Variants in C16orf89 observed in about 807,000 individuals in gnomAD.
C16orf89 encodes the protein chromosome 16 open reading frame 89.
In C16orf89, 57 loss-of-function variants were observed where a neutral mutation model predicts 41.5. The ratio of observed to expected loss-of-function variants is 1.38; its 90% CI spans 1.11 to 1.71. The LOEUF (loss-of-function observed/expected upper bound fraction) is 1.71, where lower values mean the gene tolerates loss of function less well. Among genes scored for constraint, C16orf89 ranks in the 40% most tolerant of loss-of-function variants. The pLI, the probability that C16orf89 is intolerant of heterozygous loss-of-function variation, is 0.00. For synonymous variants in C16orf89, 223 were observed against 190.6 expected (o/e 1.17, Z -1.40); for missense variants, 575 against 445.9 (o/e 1.29, Z -2.61).
At chr16:5,045,305 C>G (rs921175602) in intron 7 of C16orf89, among the ~76,000 whole-genome samples, 1 of 152,256 alleles carries the variant, frequency 6.6e-6, no homozygotes, top group Non-Finnish European at 1.5e-5. Flanking sequence ...ACCCCAGTGG[C>G]CTTCCTCTTA....
At chr16:5,046,335 A>T (rs1418174382) in intron 7 of C16orf89, among the ~76,000 whole-genome samples, 1 of 150,962 alleles carries the variant, frequency 6.6e-6, no homozygotes, top group Non-Finnish European at 1.5e-5. Flanking sequence ...TTTATTTTTT[A>T]TTTTATTTTA....
chr16:5,044,723 A>G, intron 7 of C16orf89: 2 of 978,100 alleles, frequency 2.0e-6, no homozygotes, highest in Non-Finnish European at 2.9e-6. Context: ...ACGCTCCTGT[A>G]GTCCCAGCTA....
At chr16:5,060,625 T>C (rs9925239) in intron 2 of C16orf89, among the ~76,000 whole-genome samples, 189 bp from the exon 3 acceptor site, 20,609 of 152,080 alleles carry the variant, frequency 0.14, 1,513 homozygotes, top group Non-Finnish European at 0.17. Flanking sequence ...TATAAAACCA[T>C]TTTTTCCCCT....
rs775563167 is a variant in C16orf89, at chr16:5,055,356, A to G, written c.764-6T>C. On this transcript the variant is annotated splice_region_variant and splice_polypyrimidine_tract_variant and intron_variant, in intron 5 of 7. Transcript: ENST00000472572. The stretch of plus-strand genomic sequence containing the variant: ...GCCCATTCCACAGAACATGACTGGA[A>G]GTAAAGACGGGGGCCCTCTGCAGGC... 2 of 1,601,520 alleles carry G rather than the reference A, an allele frequency of 1.2e-6. No homozygotes were observed. The highest frequency in any genetic ancestry group is 1.7e-6 in the Non-Finnish European group (2 of 1,172,272).
rs28501194 is a variant in C16orf89, at chr16:5,044,274, C to T, written c.*74G>A. On this transcript the variant is annotated 3_prime_UTR_variant, in exon 8 of 8. Coordinates refer to ENST00000472572, the MANE Select transcript of C16orf89 (RefSeq NM_001098514.3). ...CCTTCTTCCCAGGATGTGATCCGTG[C>T]CCTCCAGGATCTAAGGGATGAGGAC... The T allele has an allele frequency of 4.6e-3, 6,902 of 1,488,466 alleles. 246 individuals carry two copies. In the African/African-American group the frequency reaches 0.088, roughly 19 times the overall value. The allele number at this position is 1,488,466 out of a possible 1,614,324, so 92.2% of individuals were successfully genotyped here. A position where few individuals can be genotyped will look rare whatever the true frequency, so the allele number is the denominator to read the frequency against.
intron 7 of C16orf89, among the ~76,000 whole-genome samples, chr16:5,047,333 T>A (rs1439588808): frequency 1.3e-5 from 2 of 152,196 alleles, no homozygotes; most frequent in African/African-American, 4.8e-5. Flanking sequence ...TCTGTTGAAG[T>A]TCCTGACGCA....
At chr16:5,044,616 C>G (rs749223336) in intron 7 of C16orf89, 138 bp from the exon 8 acceptor site, 29 of 1,469,644 alleles carry the variant, frequency 2.0e-5, no homozygotes, top group Non-Finnish European at 2.6e-5. Flanking sequence ...CTGAGGTGGG[C>G]GGATCTCTTG....
chr16:5,065,270 T>C (rs575265539), intron 1 of C16orf89, among the ~76,000 whole-genome samples: 3 of 152,272 alleles, frequency 2.0e-5, no homozygotes, highest in South Asian at 4.1e-4. Context: ...TCAGGAGACT[T>C]TGGCTGCAAG....
Position 5,044,137 on chromosome 16 carries a change from C to T in C16orf89, c.*211G>A, listed in dbSNP as rs1224060338. 1.6e-6 allele frequency: 2 copies of T among 1,266,648 alleles called. No homozygotes were observed. Among genetic ancestry groups the T allele is most frequent in the African/African-American group, 3.1e-5 (2 of 64,216 alleles). 78.5% of individuals were successfully genotyped at this position (1,266,648 alleles called of 1,614,324 possible). A position where few individuals can be genotyped will look rare whatever the true frequency, so the allele number is the denominator to read the frequency against. ...CAACCCTGGGTCAGTTGCAGTTGAA[C>T]TTTATTCATCCGTTCACACCTGGGT... is the stretch of plus-strand genomic sequence containing the variant. On this transcript the variant is annotated 3_prime_UTR_variant, in exon 8 of 8. Coordinates refer to ENST00000472572, the MANE Select transcript of C16orf89 (RefSeq NM_001098514.3).
At chr16:5,059,263 T>A (rs1013380163) in intron 3 of C16orf89, among the ~76,000 whole-genome samples, 1 of 144,476 alleles carries the variant, frequency 6.9e-6, no homozygotes, top group Admixed American at 6.9e-5. Context: ...AATAAATAAA[T>A]AAAAATAAAA....
chr16:5,055,067 T>C lies in C16orf89; in HGVS notation c.868+179A>G, dbSNP rs541675792. On this transcript the variant is annotated intron_variant, in intron 6 of 7. Transcript: ENST00000472572. ...GCCTCCTGTCTTGCCACATTTTGGC[T>C]TCCAAGGCTCCGAGCCCGTTTCTCC... 2.6e-5 allele frequency among the ~76,000 whole-genome samples: 4 copies of C among 152,322 alleles called. No individual in the cohort carries two copies. In the East Asian group the frequency reaches 5.8e-4, roughly 22 times the overall value.
At chr16:5,060,215 G>A in intron 3 of C16orf89, 71 bp downstream of exon 3, 1 of 1,486,890 alleles carries the variant, frequency 6.7e-7, no homozygotes, top group East Asian at 2.4e-5. Flanking sequence ...TGGAGAAGGA[G>A]GAGCGGGACA....
chr16:5,047,731 C>A, intron 7 of C16orf89, 147 bp downstream of exon 7: 1 of 652,624 alleles, frequency 1.5e-6, no homozygotes, highest in Non-Finnish European at 2.8e-6. Context: ...AGCCTCCCTT[C>A]CACCTCTCAA....
At chr16:5,049,687 T>C (rs1040489452) in intron 6 of C16orf89, among the ~76,000 whole-genome samples, 4 of 152,146 alleles carry the variant, frequency 2.6e-5, no homozygotes, top group Non-Finnish European at 2.9e-5. Context: ...CCAAAACCTA[T>C]GGGATATAGC....
Position 5,056,120 on chromosome 16 carries a change from C to T in C16orf89, c.696G>A (p.Met232Ile). 1 of 1,599,812 alleles carries T rather than the reference C, an allele frequency of 6.3e-7. No individual in the cohort carries two copies. The highest frequency in any genetic ancestry group is 8.6e-7 in the Non-Finnish European group (1 of 1,167,932). ...DYINLFCANMMDLNRRAEAIG... is the reference protein window; with the variant it reads ...DYINLFCANMIDLNRRAEAIG... ...TGGCCTCAGCTCTGCGGTTCAAGTCCATCATGTTGGCGCAGAAGAGGTTGA... is the reference window on the plus strand; with the variant it reads ...TGGCCTCAGCTCTGCGGTTCAAGTCTATCATGTTGGCGCAGAAGAGGTTGA... The change falls in exon 5 of 8, where the codon ATG (methionine) becomes ATA (isoleucine). Residue 232 changes from methionine to isoleucine, a missense_variant. Coordinates refer to ENST00000472572, the MANE Select transcript of C16orf89 (RefSeq NM_001098514.3).
chr16:5,045,853 A>C (rs1956286436), intron 7 of C16orf89, among the ~76,000 whole-genome samples: 1 of 152,168 alleles, frequency 6.6e-6, no homozygotes, highest in Admixed American at 6.5e-5. Context: ...TAAGTGCAAG[A>C]ATCAGCACAC....
At chr16:5,064,515 C>T (rs1956695777) in intron 1 of C16orf89, among the ~76,000 whole-genome samples, 1 of 152,178 alleles carries the variant, frequency 6.6e-6, no homozygotes, top group African/African-American at 2.4e-5. Context: ...ATGAGGAAAC[C>T]AAAACTCCAC....
At chr16:5,060,206 G>T (rs1956586946) in intron 3 of C16orf89, 80 bp downstream of exon 3, 1 of 1,472,430 alleles carries the variant, frequency 6.8e-7, no homozygotes, top group African/African-American at 1.4e-5. Context: ...CCTAGGGCTT[G>T]GAGAAGGAGG....
At chr16:5,044,739 G>T (rs762104050) in intron 7 of C16orf89, 1 of 1,027,050 alleles carries the variant, frequency 9.7e-7, no homozygotes, top group Non-Finnish European at 1.3e-6. Context: ...AGCTACTCGG[G>T]AGGATGAGGC....
Sources: gnomAD v4.1 joint callset for allele counts (sites outside exome capture counted in the v4.1 genomes callset) on GRCh38, gnomAD v4.1.1 for gene constraint, MANE v1.5 for transcripts, NCBI Gene and HGNC (gene_info 2026-07-23, HGNC 2026-07-21) for gene names.